TDRD6: variants seen among roughly 807,000 people sequenced by gnomAD.
The protein encoded by TDRD6 is tudor domain-containing protein 6.
TDRD6 carries 186 observed loss-of-function variants against 157.5 expected under a neutral mutation model. That is an observed-to-expected ratio of 1.18 (90% CI 1.05 to 1.33). The LOEUF (loss-of-function observed/expected upper bound fraction) is 1.33. Among genes scored for constraint, TDRD6 ranks in the 40% most tolerant of loss-of-function variants. The pLI, the probability that TDRD6 is intolerant of heterozygous loss-of-function variation, is 0.00. For missense variants in TDRD6, 3,066 were observed against 2,508.0 expected, an observed-to-expected ratio of 1.22 and a Z score of -4.75; for synonymous variants, 1,075 against 945.2, an observed-to-expected ratio of 1.14 and a Z score of -2.52.
chr6:46,688,003 T>C lies in TDRD6; in HGVS notation c.-126T>C. On this transcript the variant is annotated 5_prime_UTR_variant, in exon 1 of 4. Transcript: ENST00000316081. ...CCGAGAAAAGGCCTCGCCGGCATTC[T>C]TCCCCTCCACTGGGTCCTTTGAACC... The C allele has an allele frequency of 1.5e-6, 2 of 1,344,396 alleles. No homozygotes were observed. The highest frequency in any genetic ancestry group is 2.7e-4 in the Middle Eastern group (1 of 3,644). 83.3% of individuals were successfully genotyped at this position (1,344,396 alleles called of 1,614,324 possible). A position where few individuals can be genotyped will look rare whatever the true frequency, so the allele number is the denominator to read the frequency against.
chr6:46,689,086 T>G lies in TDRD6; in HGVS notation c.958T>G (p.Cys320Gly). ...PDKPGSPCASCGLDGHWYRAL... is the reference protein window; with the variant it reads ...PDKPGSPCASGGLDGHWYRAL... ...TAAGCCGGGCTCTCCGTGTGCATCCTGTGGCCTGGATGGACATTGGTACAG... is the reference window on the plus strand; with the variant it reads ...TAAGCCGGGCTCTCCGTGTGCATCCGGTGGCCTGGATGGACATTGGTACAG... Residue 320 changes from cysteine (C) to glycine (G), a missense_variant, in exon 1 of 4, where the codon TGT becomes GGT. Transcript: ENST00000316081. 1 of 1,614,226 alleles carries G rather than the reference T, an allele frequency of 6.2e-7. No individual in the cohort carries two copies. The highest frequency in any genetic ancestry group is 1.3e-5 in the African/African-American group (1 of 75,062).
rs201003793 is a variant in TDRD6, at chr6:46,688,150, C to G, written c.22C>G (p.Pro8Ala). MCSTPGM[P>A]APGASLALRV... ...CAAGATGTGCTCGACGCCCGGAATG[C>G]CGGCGCCGGGGGCCTCGCTGGCCCT... Residue 8 changes from proline (P) to alanine (A), a missense_variant, in exon 1 of 4, where the codon CCG becomes GCG. Pro to Ala is a conservative substitution (Grantham distance 27). Coordinates refer to ENST00000316081, the MANE Select transcript of TDRD6 (RefSeq NM_001010870.3). 2 of 1,542,678 alleles carry G rather than the reference C, an allele frequency of 1.3e-6. No individual in the cohort carries two copies. Among genetic ancestry groups the G allele is most frequent in the Non-Finnish European group, 8.7e-7 (1 of 1,151,156 alleles).
chr6:46,688,114 C>T lies in TDRD6; in HGVS notation c.-15C>T, dbSNP rs1227762916. The T allele has an allele frequency of 1.3e-6, 2 of 1,489,080 alleles. No homozygotes were observed. Among genetic ancestry groups the T allele is most frequent in the Non-Finnish European group, 1.8e-6 (2 of 1,129,218 alleles). 92.2% of individuals were successfully genotyped at this position (1,489,080 alleles called of 1,614,324 possible). Reference sequence around the variant, plus strand: ...CCTTAATTTCCGGAAGTGGGGGCCGCGCCGCGCCGTCAAGATGTGCTCGAC... The same window carrying T: ...CCTTAATTTCCGGAAGTGGGGGCCGTGCCGCGCCGTCAAGATGTGCTCGAC... On this transcript the variant is annotated 5_prime_UTR_variant, in exon 1 of 4. Transcript: ENST00000316081.
rs895812492 is a variant in TDRD6 at position 46,688,002 on chromosome 6, C to A, written c.-127C>A. On this transcript the variant is annotated 5_prime_UTR_variant, in exon 1 of 4. Coordinates refer to ENST00000316081, the MANE Select transcript of TDRD6 (RefSeq NM_001010870.3). ...GCCGAGAAAAGGCCTCGCCGGCATT[C>A]TTCCCCTCCACTGGGTCCTTTGAAC... 1.5e-5 allele frequency: 20 copies of A among 1,342,870 alleles called. No homozygotes were observed. The highest frequency in any genetic ancestry group is 6.2e-5 in the African/African-American group (4 of 64,462). 83.2% of individuals were successfully genotyped at this position (1,342,870 alleles called of 1,614,324 possible).
In TDRD6 at chr6:46,688,694, A is replaced by C. The variant is rs776412381; in HGVS notation, c.566A>C (p.Gln189Pro). 1 of 1,600,704 alleles carries C rather than the reference A, an allele frequency of 6.2e-7. No individual in the cohort carries two copies. ...CTCCTGGAGGTGCCTGATGTGTTCC[A>C]ACAGATGCGGGAGCTGGGCCTGGCT... Reference protein sequence around the residue: ...LVLLEVPDVFQQMRELGLARR... With the variant: ...LVLLEVPDVFPQMRELGLARR... Residue 189 changes from glutamine to proline, a missense_variant, in exon 1 of 4, where the codon CAA (glutamine) becomes CCA (proline). Transcript: ENST00000316081.
Position 46,689,489 on chromosome 6 carries a change from A to G in TDRD6, c.1361A>G (p.Glu454Gly). The G allele has an allele frequency of 6.2e-7, 1 of 1,613,804 alleles. No homozygotes were observed. The highest frequency in any genetic ancestry group is 1.1e-5 in the South Asian group (1 of 91,078). Reference protein sequence around the residue: ...DRVLQSQATEEEEPETSQSQS... With the variant: ...DRVLQSQATEGEEPETSQSQS... ...GTCCTTCAGAGCCAGGCAACAGAGG[A>G]GGAGGAACCAGAAACATCTCAGTCT... is the stretch of plus-strand genomic sequence containing the variant. The change falls in exon 1 of 4, where the codon GAG (glutamate) becomes GGG (glycine). Residue 454 changes from glutamate (E) to glycine (G), a missense_variant. Physicochemically the swap from Glu to Gly is moderately conservative, Grantham distance 98. Transcript: ENST00000316081.
intron 2 of TDRD6, 109 bp downstream of exon 2, chr6:46,696,054 T>G: frequency 1.6e-6 from 2 of 1,222,612 alleles, no homozygotes; most frequent in Non-Finnish European, 2.3e-6. Flanking sequence ...GTTTACTTGC[T>G]TGTTCCCCCT....
At chr6:46,680,894 T>C in the TDRD6 span, among the ~76,000 whole-genome samples, 1 of 152,186 alleles carries the variant, frequency 6.6e-6, no homozygotes. Context: ...CTACCTCAGT[T>C]ATCTAAAATA....
At position 46,690,542 on chromosome 6, in the gene TDRD6, T is replaced by C. The variant is rs1764277022; in HGVS notation, c.2414T>C (p.Ile805Thr). The C allele has an allele frequency of 6.2e-7, 1 of 1,614,154 alleles. No homozygotes were observed. The highest frequency in any genetic ancestry group is 2.2e-5 in the East Asian group (1 of 44,882). ...GGACTTAAAACTCTAATGTCTGATA[T>C]TCAGTACTATTGCAAAAATACAGCT... ...IQGLKTLMSDIQYYCKNTAAP... is the reference protein window; with the variant it reads ...IQGLKTLMSDTQYYCKNTAAP... The change falls in exon 1 of 4, where the codon ATT becomes ACT. Residue 805 changes from isoleucine (I) to threonine (T), a missense_variant. Physicochemically the swap from Ile to Thr is moderately conservative, Grantham distance 89. Coordinates refer to ENST00000316081, the MANE Select transcript of TDRD6 (RefSeq NM_001010870.3).
chr6:46,686,497 A>G (rs1392527392), upstream of TDRD6, among the ~76,000 whole-genome samples: 2 of 150,998 alleles, frequency 1.3e-5, no homozygotes, highest in Non-Finnish European at 2.9e-5. Context: ...AAAAAAAGGA[A>G]TAACCAATTC....
chr6:46,688,980 C>T lies in TDRD6; in HGVS notation c.852C>T (p.Ala284=). 6.2e-7 allele frequency: 1 copy of T among 1,613,694 alleles called. No homozygotes were observed. Among genetic ancestry groups the T allele is most frequent in the Non-Finnish European group, 8.5e-7 (1 of 1,179,790 alleles). Residue 284 remains alanine, a synonymous_variant, in exon 1 of 4, where the codon GCC becomes GCT. Coordinates refer to ENST00000316081, the MANE Select transcript of TDRD6 (RefSeq NM_001010870.3). ...TCCACCGCCTCTCCGAGAGCATGGC[C>T]CAGGTATACCGGGGTTCCACGGGGA... ...QEIHRLSESM[A]QVYRGSTGTG...
chr6:46,690,168 T>C lies in TDRD6; in HGVS notation c.2040T>C (p.Asn680=), dbSNP rs1419142178. 6.2e-7 allele frequency: 1 copy of C among 1,613,506 alleles called. No homozygotes were observed. Among genetic ancestry groups the C allele is most frequent in the South Asian group, 1.1e-5 (1 of 91,040 alleles). The change falls in exon 1 of 4, where the codon AAT becomes AAC. Residue 680 remains asparagine, a synonymous_variant. Transcript: ENST00000316081. ...AAACAAAGGAAAATATCCTGGTAAA[T>C]GCCCACTCCCCAGGGCATGTTTCAA... ...EFETKENILV[N]AHSPGHVSNH...
At position 46,693,856 on chromosome 6, in the gene TDRD6, C is replaced by G. The variant is rs766092952; in HGVS notation, c.5728C>G (p.Pro1910Ala). The G allele has an allele frequency of 6.2e-7, 1 of 1,614,224 alleles. No individual in the cohort carries two copies. Among genetic ancestry groups the G allele is most frequent in the South Asian group, 1.1e-5 (1 of 91,086 alleles). ...EAEKQPELEL[P>A]TAQLPLDDKM... is the part of the protein sequence containing the mutation. ...TGAGAAACAGCCAGAACTAGAACTACCTACAGCCCAGCTGCCTTTAGATGA... is the reference window on the plus strand; with the variant it reads ...TGAGAAACAGCCAGAACTAGAACTAGCTACAGCCCAGCTGCCTTTAGATGA... The change falls in exon 1 of 4, where the codon CCT becomes GCT. Residue 1910 changes from proline to alanine, a missense_variant. By Grantham distance (27) the Pro-to-Ala change is conservative. Coordinates refer to ENST00000316081, the MANE Select transcript of TDRD6 (RefSeq NM_001010870.3).
At position 46,702,993 on chromosome 6, in the gene TDRD6, C is replaced by T. The variant is rs900728306; in HGVS notation, c.*1106C>T. ...GTCTTTCTTTACCCTGAAAAATACT[C>T]AGTGTGCACTATGTTAGGTTATTTC... On this transcript the variant is annotated 3_prime_UTR_variant, in exon 4 of 4. Transcript: ENST00000316081. 4 of 151,628 alleles carry T rather than the reference C, an allele frequency of 2.6e-5. No homozygotes were observed. The highest frequency in any genetic ancestry group is 4.4e-5 in the Non-Finnish European group (3 of 67,952). The allele number at this position is 151,628 out of a possible 1,614,324, so 9.4% of individuals were successfully genotyped here.
upstream of TDRD6, among the ~76,000 whole-genome samples, chr6:46,684,564 T>C (rs1764043254): frequency 6.6e-6 from 1 of 152,196 alleles, no homozygotes; most frequent in African/African-American, 2.4e-5. Flanking sequence ...TCCATCTCTA[T>C]AATTTTATTA....
At position 46,690,431 on chromosome 6, in the gene TDRD6, T is replaced by G; in HGVS notation, c.2303T>G (p.Leu768Arg). 6.2e-7 allele frequency: 1 copy of G among 1,614,068 alleles called. No homozygotes were observed. The highest frequency in any genetic ancestry group is 1.7e-5 in the Admixed American group (1 of 60,022). Residue 768 changes from leucine to arginine, a missense_variant, in exon 1 of 4, where the codon CTG (leucine) becomes CGG (arginine). Physicochemically the swap from Leu to Arg is moderately radical, Grantham distance 102 (BLOSUM62 -2). Transcript: ENST00000316081. ...CCAGGCTCCTCTAGTAAAGGAGAGC[T>G]GGAAGTTGGAAGTACAGTAGAAGTC... is the stretch of plus-strand genomic sequence containing the variant. ...IKPGSSSKGE[L>R]EVGSTVEVRV... is the part of the protein sequence containing the mutation.
chr6:46,692,526 T>C lies in TDRD6; in HGVS notation c.4398T>C (p.His1466=), dbSNP rs1764363068. 1.2e-6 allele frequency: 2 copies of C among 1,613,708 alleles called. No individual in the cohort carries two copies. The highest frequency in any genetic ancestry group is 2.2e-5 in the South Asian group (2 of 91,078). The part of the protein sequence containing the change: ...DRWEVILADE[H]GIIADDMISR... ...GGGAAGTTATTCTTGCTGATGAACATGGGATCATAGCAGATGATATGATTA... is the reference window on the plus strand; with the variant it reads ...GGGAAGTTATTCTTGCTGATGAACACGGGATCATAGCAGATGATATGATTA... The change falls in exon 1 of 4, where the codon CAT becomes CAC. Residue 1466 remains histidine, a synonymous_variant. Coordinates refer to ENST00000316081, the MANE Select transcript of TDRD6 (RefSeq NM_001010870.3).
chr6:46,691,964 GAAAAA>G lies in TDRD6; in HGVS notation c.3837_3841del (p.Arg1279SerfsTer6), dbSNP rs1477459149. The G allele has an allele frequency of 1.3e-5, 21 of 1,613,514 alleles. No homozygotes were observed. Among genetic ancestry groups the G allele is most frequent in the Non-Finnish European group, 1.8e-5 (21 of 1,179,838 alleles). ...AGAGTAGAAGCTACTCTTTCAGAGA[GAAAAA>G]TAGGAGATTCATGTGACAAAGATTT... is the stretch of plus-strand genomic sequence containing the variant. On this transcript the variant is annotated frameshift_variant, in exon 1 of 4. Transcript: ENST00000316081. LOFTEE classifies it high-confidence loss of function.
At position 46,688,629 on chromosome 6, in the gene TDRD6, C is replaced by G; in HGVS notation, c.501C>G (p.His167Gln). 6.3e-7 allele frequency: 1 copy of G among 1,599,200 alleles called. No individual in the cohort carries two copies. The highest frequency in any genetic ancestry group is 8.5e-7 in the Non-Finnish European group (1 of 1,179,862). Reference sequence around the variant, plus strand: ...GCAACCTTCAGGGCAAGGAGGTGCACGGGTGCGTCCTGGACGTGCTGCTGC... The same window carrying G: ...GCAACCTTCAGGGCAAGGAGGTGCAGGGGTGCGTCCTGGACGTGCTGCTGC... The part of the protein sequence containing the change: ...FLSNLQGKEV[H>Q]GCVLDVLLLH... Residue 167 changes from histidine (H) to glutamine (Q), a missense_variant, in exon 1 of 4, where the codon CAC (histidine) becomes CAG (glutamine). His to Gln is a conservative substitution (Grantham distance 24). Transcript: ENST00000316081.
Sources: allele counts gnomAD v4.1 joint callset (sites outside exome capture counted in the v4.1 genomes callset), GRCh38; gene constraint gnomAD v4.1.1; transcripts MANE v1.5; gene names NCBI Gene and HGNC (gene_info 2026-07-23, HGNC 2026-07-21).